NRROS: variants seen among roughly 807,000 people sequenced by gnomAD.
NRROS encodes negative regulator of reactive oxygen species, also known as transforming growth factor beta activator LRRC33.
In NRROS, 6 loss-of-function variants were observed where a neutral mutation model predicts 12.0. That is an observed-to-expected ratio of 0.50 (90% CI 0.27 to 0.98). The LOEUF (loss-of-function observed/expected upper bound fraction) is 0.98. Ranked by LOEUF, NRROS falls within the 50% of genes least tolerant of loss-of-function variation. The pLI is 0.11. For synonymous variants in NRROS, 462 were observed against 410.2 expected, an observed-to-expected ratio of 1.13 and a Z score of -1.53; for missense variants, 857 against 888.2, an observed-to-expected ratio of 0.96 and a Z score of 0.45.
intron 1 of NRROS, among the ~76,000 whole-genome samples, chr3:196,645,391 T>C (rs959624221): frequency 6.6e-6 from 1 of 152,168 alleles, no homozygotes; most frequent in African/African-American, 2.4e-5. Flanking sequence ...TGGGTTTGAA[T>C]TGTGGCTCTA....
chr3:196,648,529 G>A (rs1737352841), intron 1 of NRROS, among the ~76,000 whole-genome samples: 1 of 152,112 alleles, frequency 6.6e-6, no homozygotes, highest in Non-Finnish European at 1.5e-5. Context: ...CATTTTGGGA[G>A]GCTGAGTTGG....
At chr3:196,659,529 G>A (rs1049787591) in intron 2 of NRROS, among the ~76,000 whole-genome samples, 22 of 152,084 alleles carry the variant, frequency 1.4e-4, no homozygotes, top group African/African-American at 5.1e-4. Context: ...GGCTGGTTTT[G>A]AACTCCTGAC....
intron 1 of NRROS, among the ~76,000 whole-genome samples, chr3:196,644,201 C>T (rs1256755517): frequency 6.6e-6 from 1 of 152,150 alleles, no homozygotes; most frequent in South Asian, 2.1e-4. Context: ...TGACAGCCCC[C>T]GTCTTGCTTT....
chr3:196,647,640 C>A (rs1186639419), intron 1 of NRROS, among the ~76,000 whole-genome samples: 3 of 152,220 alleles, frequency 2.0e-5, no homozygotes, highest in East Asian at 3.8e-4. Flanking sequence ...CTCACTGCAA[C>A]CTCTGCCTCC....
chr3:196,652,701 C>A (rs534191113), intron 1 of NRROS, among the ~76,000 whole-genome samples: 1 of 152,318 alleles, frequency 6.6e-6, no homozygotes, highest in South Asian at 2.1e-4. Context: ...GAGTGTGACA[C>A]AAGGCCTGGC....
Position 196,661,198 on chromosome 3 carries a change from A to G in NRROS, c.1555A>G (p.Arg519Gly), listed in dbSNP as rs765273654. ...VAPMLQVLSLRNMGLHSSFMA... is the reference protein window; with the variant it reads ...VAPMLQVLSLGNMGLHSSFMA... ...CCCCATGTTACAGGTCCTGTCTCTC[A>G]GGAACATGGGCCTCCACTCCAGCTT... Residue 519 changes from arginine to glycine, a missense_variant, in exon 3 of 3, where the codon AGG (arginine) becomes GGG (glycine). Coordinates refer to ENST00000328557, the MANE Select transcript of NRROS (RefSeq NM_198565.3). The G allele has an allele frequency of 1.9e-6, 3 of 1,613,660 alleles. No homozygotes were observed. Among genetic ancestry groups the G allele is most frequent in the Non-Finnish European group, 2.5e-6 (3 of 1,179,818 alleles).
At chr3:196,645,197 GGT>G in intron 1 of NRROS, among the ~76,000 whole-genome samples, 1 of 152,316 alleles carries the variant, frequency 6.6e-6, no homozygotes, top group Non-Finnish European at 1.5e-5. Context: ...GTGATGAGGA[GGT>G]GATACCAGCA....
Position 196,660,039 on chromosome 3 carries a change from G to A in NRROS, c.396G>A (p.Pro132=). The part of the protein sequence containing the change: ...EETAAALHAL[P]GLRRLDLSGN... ...CGGCAGCCGCCCTCCACGCCCTGCC[G>A]GGCCTGCGGAGGCTGGACTTGTCAG... is the stretch of plus-strand genomic sequence containing the variant. Residue 132 remains proline (P), a synonymous_variant, in exon 3 of 3, where the codon CCG becomes CCA. Coordinates refer to ENST00000328557, the MANE Select transcript of NRROS (RefSeq NM_198565.3). The surrounding 1 kb of genome is among the most constrained non-coding windows in gnomAD (Gnocchi z 7.7). 1.2e-6 allele frequency: 2 copies of A among 1,613,346 alleles called. No homozygotes were observed. The highest frequency in any genetic ancestry group is 1.7e-6 in the Non-Finnish European group (2 of 1,179,960).
chr3:196,643,328 A>G (rs1737244611), intron 1 of NRROS, among the ~76,000 whole-genome samples: 1 of 152,052 alleles, frequency 6.6e-6, no homozygotes, highest in Non-Finnish European at 1.5e-5. Flanking sequence ...GAGTGAACAG[A>G]GTGAAGAAAG....
At chr3:196,644,737 C>T (rs1433138453) in intron 1 of NRROS, among the ~76,000 whole-genome samples, 1 of 141,224 alleles carries the variant, frequency 7.1e-6, no homozygotes, top group Non-Finnish European at 1.5e-5. Flanking sequence ...CGCACCATTG[C>T]ACTCCAGTCT....
intron 1 of NRROS, among the ~76,000 whole-genome samples, chr3:196,651,007 C>T (rs1737412822): frequency 6.6e-6 from 1 of 152,174 alleles, no homozygotes; most frequent in Non-Finnish European, 1.5e-5. Context: ...CCTCTTACAG[C>T]TGCAGATGCT....
chr3:196,654,558 TG>T lies in NRROS; in HGVS notation c.21del (p.Trp7CysfsTer9). The T allele has an allele frequency of 6.2e-7, 1 of 1,613,894 alleles. No homozygotes were observed. ...CCTTGAGATGGAGTTGCTGCCTCTT[TG>T]GCTCTGCCTGGGTTTTCACTTCCTG... MELLPLWLCLGFHFLTV... is the reference protein window; with the variant it reads MELLPLXLCLGFHFLTV... On this transcript the variant is annotated frameshift_variant, in exon 2 of 3. Coordinates refer to ENST00000328557, the MANE Select transcript of NRROS (RefSeq NM_198565.3). LOFTEE classifies it high-confidence loss of function. The surrounding 1 kb of genome is among the most constrained non-coding windows in gnomAD (Gnocchi z 4.4).
At chr3:196,644,246 CAG>C (rs1737263638) in intron 1 of NRROS, among the ~76,000 whole-genome samples, 2 of 152,014 alleles carry the variant, frequency 1.3e-5, no homozygotes, top group Admixed American at 1.3e-4. Context: ...ATGATACACT[CAG>C]GGGTGCTGTT....
chr3:196,643,530 C>CAAGAA (rs749442383), intron 1 of NRROS, among the ~76,000 whole-genome samples: 49 of 151,636 alleles, frequency 3.2e-4, no homozygotes, highest in Non-Finnish European at 5.0e-4. Context: ...CTGCCACCTC[C>CAAGAA]AAGAAAGAGA....
rs1223491338 is a variant in NRROS, at chr3:196,654,665, C to A, written c.108+18C>A. The stretch of plus-strand genomic sequence containing the variant: ...GCAAGTTGGTGAGTTTCCCTTGAAC[C>A]CTGATCTGTCGGCTGCTCCTGTCCT... On this transcript the variant is annotated intron_variant, in intron 2 of 2. Coordinates refer to ENST00000328557, the MANE Select transcript of NRROS (RefSeq NM_198565.3). This position sits in a 1 kb window ranked among gnomAD's most constrained non-coding sequence, Gnocchi z 4.4. 5 of 1,489,466 alleles carry A rather than the reference C, an allele frequency of 3.4e-6. No homozygotes were observed. The highest frequency in any genetic ancestry group is 2.3e-5 in the South Asian group (2 of 87,302). 92.3% of individuals were successfully genotyped at this position (1,489,466 alleles called of 1,614,324 possible). A position where few individuals can be genotyped will look rare whatever the true frequency, so the allele number is the denominator to read the frequency against.
intron 1 of NRROS, among the ~76,000 whole-genome samples, chr3:196,644,769 C>CAAA (rs57304721): frequency 1.8e-5 from 2 of 109,202 alleles, no homozygotes; most frequent in African/African-American, 7.8e-5. Flanking sequence ...GAGACTCTGT[C>CAAA]AAAAAAAAAA....
In NRROS at chr3:196,661,475, A is replaced by G. The variant is rs1737679011; in HGVS notation, c.1832A>G (p.Gln611Arg). Residue 611 changes from glutamine to arginine, a missense_variant, in exon 3 of 3, where the codon CAG becomes CGG. Gln to Arg is a conservative substitution (Grantham distance 43). Coordinates refer to ENST00000328557, the MANE Select transcript of NRROS (RefSeq NM_198565.3). ...VDGWGALQHG[Q>R]TVADWAMVTC... ...GGCTGGGGGGCCCTGCAGCATGGGCAGACGGTGGCCGACTGGGCCATGGTC... is the reference window on the plus strand; with the variant it reads ...GGCTGGGGGGCCCTGCAGCATGGGCGGACGGTGGCCGACTGGGCCATGGTC... 2 of 1,605,120 alleles carry G rather than the reference A, an allele frequency of 1.2e-6. No individual in the cohort carries two copies. Among genetic ancestry groups the G allele is most frequent in the East Asian group, 4.5e-5 (2 of 44,704 alleles).
At chr3:196,651,962 G>A (rs1737437993) in intron 1 of NRROS, among the ~76,000 whole-genome samples, 1 of 152,140 alleles carries the variant, frequency 6.6e-6, no homozygotes, top group Non-Finnish European at 1.5e-5. Flanking sequence ...AGCAGAGTTT[G>A]TGACAGGTGA....
Position 196,659,990 on chromosome 3 carries a change from G to A in NRROS, c.347G>A (p.Cys116Tyr). ...CGCAGCCTGGTCCTGGGGGACAACTGCCTCTCAGAGAACTACGAAGAGACG... is the reference window on the plus strand; with the variant it reads ...CGCAGCCTGGTCCTGGGGGACAACTACCTCTCAGAGAACTACGAAGAGACG... The part of the protein sequence containing the change: ...HLRSLVLGDN[C>Y]LSENYEETAA... The change falls in exon 3 of 3, where the codon TGC (cysteine) becomes TAC (tyrosine). Residue 116 changes from cysteine (C) to tyrosine (Y), a missense_variant. Cys to Tyr is a radical substitution (Grantham distance 194, BLOSUM62 -2). Coordinates refer to ENST00000328557, the MANE Select transcript of NRROS (RefSeq NM_198565.3). The A allele has an allele frequency of 6.2e-7, 1 of 1,613,676 alleles. No homozygotes were observed. Among genetic ancestry groups the A allele is most frequent in the Non-Finnish European group, 8.5e-7 (1 of 1,179,860 alleles).
Sources: allele counts gnomAD v4.1 joint callset (sites outside exome capture counted in the v4.1 genomes callset), GRCh38; gene constraint gnomAD v4.1.1; non-coding constraint Gnocchi (gnomAD v3.1); transcripts MANE v1.5; gene names NCBI Gene and HGNC (gene_info 2026-07-23, HGNC 2026-07-21).